The following TSC22D1 variants were observed in gnomAD, a reference collection of about 807,000 sequenced individuals.
TSC22D1 encodes TSC22 domain family protein 1.
In TSC22D1, 9 loss-of-function variants were observed where a neutral mutation model predicts 74.2. The observed-to-expected ratio is 0.12, with a 90% confidence interval of 0.07 to 0.21. The LOEUF (loss-of-function observed/expected upper bound fraction) is 0.21. Ranked by LOEUF, TSC22D1 falls within the 10% of genes least tolerant of loss-of-function variation. The pLI is 1.00. For synonymous variants in TSC22D1, 586 were observed against 492.5 expected (o/e 1.19, Z -2.51); for missense variants, 1,427 against 1,304.7 (o/e 1.09, Z -1.44).
chr13:44,472,155 G>A (rs1362210517), intron 1 of TSC22D1, among the ~76,000 whole-genome samples: 3 of 152,140 alleles, frequency 2.0e-5, no homozygotes, highest in Non-Finnish European at 4.4e-5. Context: ...TCAGAGGTAT[G>A]TATGTATAGG....
intron 1 of TSC22D1, chr13:44,539,644 A>G (rs1881349295): frequency 8.7e-7 from 1 of 1,146,002 alleles, no homozygotes; most frequent in Non-Finnish European, 1.1e-6. Flanking sequence ...CAGAAAAACA[A>G]AACAGATTGC....
At chr13:44,547,439 TA>T (rs1881898750) in intron 1 of TSC22D1, among the ~76,000 whole-genome samples, 2 of 152,174 alleles carry the variant, frequency 1.3e-5, no homozygotes, top group Admixed American at 1.3e-4. Context: ...ATGTTTACAT[TA>T]AATAGCAAGT....
intron 1 of TSC22D1, among the ~76,000 whole-genome samples, chr13:44,481,877 TA>T (rs933469363): frequency 6.6e-6 from 1 of 152,004 alleles, no homozygotes; most frequent in Non-Finnish European, 1.5e-5. Flanking sequence ...TCCTTTGAAT[TA>T]AAAAAAATTC....
Position 44,573,293 on chromosome 13 carries a change from T to G in TSC22D1, c.2782A>C (p.Ile928Leu). ...GACATTCCCCCACTGTCACCACTGA[T>G]AGTCTGAGGTAAGCCAACTAAGGAG... is the stretch of plus-strand genomic sequence containing the variant. ...EPSLVGLPQTISGDSGGMSAV... is the reference protein window; with the variant it reads ...EPSLVGLPQTLSGDSGGMSAV... Residue 928 changes from isoleucine to leucine, a missense_variant, in exon 1 of 3, where the codon ATC becomes CTC. Ile to Leu is a conservative substitution (Grantham distance 5, BLOSUM62 2). Transcript: ENST00000458659. 1 of 1,614,222 alleles carries G rather than the reference T, an allele frequency of 6.2e-7. No individual in the cohort carries two copies. Among genetic ancestry groups the G allele is most frequent in the South Asian group, 1.1e-5 (1 of 91,088 alleles).
At position 44,434,632 on chromosome 13, in the gene TSC22D1, G is replaced by T. The variant is rs200552635; in HGVS notation, c.3216C>A (p.Thr1072=). Residue 1072 remains threonine (T), a synonymous_variant, in exon 3 of 3, where the codon ACC becomes ACA. Coordinates refer to ENST00000458659, the MANE Select transcript of TSC22D1 (RefSeq NM_183422.4). ...AQPASQGSGP[T]A is the part of the protein sequence containing the mutation. ...TCTGCGGGGGCATAGGCAGCTATGC[G>T]GTTGGTCCTGAGCCCTGCGATGCTG... 10 of 1,537,118 alleles carry T rather than the reference G, an allele frequency of 6.5e-6. No individual in the cohort carries two copies. The highest frequency in any genetic ancestry group is 2.1e-5 in the Admixed American group (1 of 47,090).
At chr13:44,503,050 G>A (rs942799439) in intron 1 of TSC22D1, among the ~76,000 whole-genome samples, 1 of 152,082 alleles carries the variant, frequency 6.6e-6, no homozygotes, top group Non-Finnish European at 1.5e-5. Context: ...AAGAAACAAA[G>A]AAAAGTGAAT....
chr13:44,568,039 G>C (rs772548565), intron 1 of TSC22D1, among the ~76,000 whole-genome samples: 7 of 152,142 alleles, frequency 4.6e-5, no homozygotes, highest in Admixed American at 6.5e-5. Context: ...TATCAGAATG[G>C]CTTCAGATTT....
At chr13:44,516,221 T>C (rs1256407682) in intron 1 of TSC22D1, 1 of 289,848 alleles carries the variant, frequency 3.5e-6, no homozygotes, top group Non-Finnish European at 6.6e-6. Context: ...AGTTCTCTTG[T>C]TGAACATCAT....
Position 44,434,176 on chromosome 13 carries a change from C to G in TSC22D1, c.*450G>C. The G allele has an allele frequency of 6.8e-7, 1 of 1,471,222 alleles. No individual in the cohort carries two copies. The highest frequency in any genetic ancestry group is 8.9e-7 in the Non-Finnish European group (1 of 1,125,958). 91.1% of individuals were successfully genotyped at this position (1,471,222 alleles called of 1,614,324 possible). A position where few individuals can be genotyped will look rare whatever the true frequency, so the allele number is the denominator to read the frequency against. ...TTCCCCCTCATTTTAGTCTTTTTAC[C>G]CTCCTTTCAAGTTCCTCCTGGGGGG... On this transcript the variant is annotated 3_prime_UTR_variant, in exon 3 of 3. Coordinates refer to ENST00000458659, the MANE Select transcript of TSC22D1 (RefSeq NM_183422.4).
intron 1 of TSC22D1, among the ~76,000 whole-genome samples, chr13:44,564,782 G>A (rs1883262386): frequency 6.6e-6 from 1 of 152,148 alleles, no homozygotes; most frequent in Non-Finnish European, 1.5e-5. Context: ...ATATGCAGGA[G>A]GCTCTGTGAG....
intron 1 of TSC22D1, among the ~76,000 whole-genome samples, chr13:44,499,950 G>T (rs1250970267): frequency 6.6e-6 from 1 of 151,882 alleles, no homozygotes; most frequent in South Asian, 2.1e-4. Context: ...AGCCAGGCGT[G>T]GTGGCAGGTG....
At chr13:44,507,826 G>T (rs565758098) in intron 1 of TSC22D1, among the ~76,000 whole-genome samples, 1 of 152,270 alleles carries the variant, frequency 6.6e-6, no homozygotes, top group South Asian at 2.1e-4. Context: ...TGTCCTCAGA[G>T]TGCCATATAA....
At chr13:44,452,947 CTT>C (rs1382883267) in intron 1 of TSC22D1, 1 of 152,258 alleles carries the variant, frequency 6.6e-6, no homozygotes, top group Non-Finnish European at 1.5e-5. Context: ...CGATGAAACT[CTT>C]GTTTTCAAAA....
Position 44,432,975 on chromosome 13 carries a change from T to A in TSC22D1, c.*1651A>T, listed in dbSNP as rs1444067955. On this transcript the variant is annotated 3_prime_UTR_variant, in exon 3 of 3. Transcript: ENST00000458659. ...TCAACTGCAAGGACATCCTTGCTCA[T>A]CTGGTCCCACCTCAAATCATCTTTT... The A allele has an allele frequency of 6.6e-6, 1 of 152,226 alleles. No homozygotes were observed. Among genetic ancestry groups the A allele is most frequent in the Non-Finnish European group, 1.5e-5 (1 of 68,034 alleles). The allele number at this position is 152,226 out of a possible 1,614,324, so 9.4% of individuals were successfully genotyped here.
chr13:44,551,423 T>C (rs1161944592), intron 1 of TSC22D1, among the ~76,000 whole-genome samples: 2 of 151,502 alleles, frequency 1.3e-5, no homozygotes, highest in Non-Finnish European at 2.9e-5. Context: ...TGTGTGTGTG[T>C]GTGTGTGTGT....
intron 1 of TSC22D1, chr13:44,437,366 GT>G: frequency 5.3e-6 from 3 of 568,082 alleles, no homozygotes; most frequent in Non-Finnish European, 6.7e-6. Flanking sequence ...TTTATAGACG[GT>G]TTTATTTTTA....
At chr13:44,503,588 G>A (rs1185593662) in intron 1 of TSC22D1, among the ~76,000 whole-genome samples, 1 of 152,130 alleles carries the variant, frequency 6.6e-6, no homozygotes, top group Admixed American at 6.5e-5. Context: ...TGGGGCTGGG[G>A]GGAAAAGATA....
In TSC22D1 at chr13:44,573,820, G is replaced by A; in HGVS notation, c.2255C>T (p.Ser752Leu). Residue 752 changes from serine to leucine, a missense_variant, in exon 1 of 3, where the codon TCA becomes TTA. By Grantham distance (145) the Ser-to-Leu change is moderately radical (BLOSUM62 -2). This residue lies in a region of TSC22D1 where 1,343 missense variants were observed against 1,191.5 expected (regional missense o/e 1.13). Transcript: ENST00000458659. The part of the protein sequence containing the change: ...VQQPSTQVPP[S>L]VIQQGAPPSS... ...TGGAGGAGCACCCTGCTGAATAACTGAAGGTGGAACCTGGGTAGAGGGCTG... is the reference window on the plus strand; with the variant it reads ...TGGAGGAGCACCCTGCTGAATAACTAAAGGTGGAACCTGGGTAGAGGGCTG... 4.3e-6 allele frequency: 7 copies of A among 1,614,204 alleles called. No homozygotes were observed. The highest frequency in any genetic ancestry group is 5.9e-6 in the Non-Finnish European group (7 of 1,180,026).
intron 1 of TSC22D1, among the ~76,000 whole-genome samples, chr13:44,548,853 A>G (rs1285500497): frequency 6.6e-6 from 1 of 152,198 alleles, no homozygotes; most frequent in Non-Finnish European, 1.5e-5. Context: ...ATTGATTTGC[A>G]TAACAAATAT....
Sources: allele counts gnomAD v4.1 joint callset (sites outside exome capture counted in the v4.1 genomes callset), GRCh38; gene constraint gnomAD v4.1.1; regional missense constraint gnomAD v4.1.1; transcripts MANE v1.5; gene names NCBI Gene and HGNC (gene_info 2026-07-23, HGNC 2026-07-21).